Variants in DNAH6 observed in about 807,000 individuals in gnomAD.
DNAH6 encodes dynein axonemal heavy chain 6.
A neutral mutation model predicts 491.4 loss-of-function variants in DNAH6; 340 were observed. The observed-to-expected ratio is 0.69, with a 90% CI of 0.63 to 0.76. DNAH6 has a LOEUF of 0.76. DNAH6 is among the 30% of genes least tolerant of loss of function. The pLI is 0.00. For missense variants in DNAH6, 4,443 were observed against 4,972.2 expected (o/e 0.89, Z 3.20); for synonymous variants, 1,603 against 1,686.1 (o/e 0.95, Z 1.21).
chr2:84,642,123 A>G (rs1311918982), intron 33 of DNAH6, 69 bp downstream of exon 33: 38 of 1,037,276 alleles, frequency 3.7e-5, no homozygotes, highest in Non-Finnish European at 5.1e-5. Flanking sequence ...CTTTTCTTCA[A>G]TTATTTCTTT....
chr2:84,771,649 G>A (rs1675632438), intron 64 of DNAH6, among the ~76,000 whole-genome samples: 1 of 152,204 alleles, frequency 6.6e-6, no homozygotes, highest in South Asian at 2.1e-4. Flanking sequence ...AATCCATGAT[G>A]TCAGAGGCAA....
chr2:84,802,494 G>T (rs1290276006), intron 70 of DNAH6, among the ~76,000 whole-genome samples: 1 of 152,106 alleles, frequency 6.6e-6, no homozygotes, highest in Non-Finnish European at 1.5e-5. Context: ...TTCAATTCAA[G>T]AAGATTTGAT....
chr2:84,524,210 CTT>C, intron 2 of DNAH6, among the ~76,000 whole-genome samples: 1 of 142,054 alleles, frequency 7.0e-6, no homozygotes, highest in African/African-American at 2.6e-5. Flanking sequence ...CCTTTTTTGT[CTT>C]TTTTTTTTTT....
intron 67 of DNAH6, 23 bp downstream of exon 67, chr2:84,785,779 A>G (rs1217733508): frequency 8.0e-6 from 12 of 1,498,810 alleles, no homozygotes; most frequent in Non-Finnish European, 8.0e-6. Context: ...CTGCTTTTCA[A>G]TAGCAACAAG....
chr2:84,715,097 G>A (rs1697392031), intron 57 of DNAH6, among the ~76,000 whole-genome samples: 1 of 152,000 alleles, frequency 6.6e-6, no homozygotes, highest in East Asian at 1.9e-4. Flanking sequence ...TGTATCATAA[G>A]TAACTAAGTG....
chr2:84,606,378 G>C (rs1421933056), intron 20 of DNAH6, among the ~76,000 whole-genome samples: 1 of 152,144 alleles, frequency 6.6e-6, no homozygotes, highest in African/African-American at 2.4e-5. Flanking sequence ...CTCTCAAAAA[G>C]CTTATAATTG....
rs556511008 is a variant in DNAH6, at chr2:84,768,442, A to C, written c.10703+5497A>C. ...AAATGAGTGTATTATTAAAAAAAAA[A>C]CTTTTGCCAATGAATTTGAAAATTT... On this transcript the variant is annotated intron_variant, in intron 64 of 76. Coordinates refer to ENST00000389394, the MANE Select transcript of DNAH6 (RefSeq NM_001370.2). Among the ~76,000 whole-genome samples, 210 of 152,070 alleles carry C rather than the reference A, an allele frequency of 1.4e-3. 1 individual carries two copies. Among genetic ancestry groups the C allele is most frequent in the African/African-American group, 4.9e-3 (204 of 41,538 alleles).
At chr2:84,812,885 C>A (rs1294168458) in intron 73 of DNAH6, among the ~76,000 whole-genome samples, 173 bp from the exon 74 acceptor site, 1 of 152,146 alleles carries the variant, frequency 6.6e-6, no homozygotes, top group Non-Finnish European at 1.5e-5. Flanking sequence ...CCACAGTCAT[C>A]AGGCTGGCAG....
intron 30 of DNAH6, among the ~76,000 whole-genome samples, chr2:84,634,846 T>C (rs1041118383): frequency 1.3e-5 from 2 of 152,190 alleles, no homozygotes; most frequent in Non-Finnish European, 2.9e-5. Flanking sequence ...GGTCCTGTTA[T>C]TTAAAATTTG....
At chr2:84,637,539 ATGTT>A (rs1212379107) in intron 31 of DNAH6, among the ~76,000 whole-genome samples, 162 bp downstream of exon 31, 19 of 152,294 alleles carry the variant, frequency 1.2e-4, no homozygotes, top group African/African-American at 4.6e-4. Flanking sequence ...TAAGTTCTGC[ATGTT>A]TGTTTGTTTA....
chr2:84,501,884 T>C, the DNAH6 span, among the ~76,000 whole-genome samples: 1 of 151,778 alleles, frequency 6.6e-6, no homozygotes, highest in African/African-American at 2.4e-5. Flanking sequence ...CACCTTTTTT[T>C]ATTTCTGATC....
intron 68 of DNAH6, among the ~76,000 whole-genome samples, chr2:84,793,519 A>G (rs1164284465): frequency 1.3e-5 from 2 of 152,190 alleles, no homozygotes; most frequent in African/African-American, 4.8e-5. Flanking sequence ...TCATCATGCA[A>G]TTGGAGAAAC....
chr2:84,643,897 T>C (rs1347046427), intron 33 of DNAH6, among the ~76,000 whole-genome samples: 2 of 146,640 alleles, frequency 1.4e-5, no homozygotes, highest in Non-Finnish European at 2.9e-5. Flanking sequence ...CTTCAAATTG[T>C]GTTTTTTTTT....
chr2:84,553,825 G>T (rs200636841), intron 10 of DNAH6, among the ~76,000 whole-genome samples: 2 of 152,084 alleles, frequency 1.3e-5, no homozygotes, highest in East Asian at 3.9e-4. Flanking sequence ...AGAGAATTTT[G>T]TTGTCTTAGT....
At chr2:84,670,918 T>A (rs1692683121) in intron 39 of DNAH6, among the ~76,000 whole-genome samples, 1 of 152,308 alleles carries the variant, frequency 6.6e-6, no homozygotes, top group East Asian at 1.9e-4. Context: ...ACTGCTTAGA[T>A]AACTAGCATA....
At chr2:84,645,502 G>C (rs113316629) in intron 33 of DNAH6, among the ~76,000 whole-genome samples, 10,512 of 152,158 alleles carry the variant, frequency 0.069, 1,209 homozygotes, top group African/African-American at 0.24. Flanking sequence ...TTTCTCTATT[G>C]ATCAGTAATG....
chr2:84,595,303 C>T (rs1378552573), intron 17 of DNAH6, among the ~76,000 whole-genome samples: 1 of 151,906 alleles, frequency 6.6e-6, no homozygotes, highest in East Asian at 1.9e-4. Flanking sequence ...GTATGTTAAA[C>T]AGGTATATAA....
chr2:84,666,918 C>A (rs561843269), intron 37 of DNAH6, among the ~76,000 whole-genome samples: 6 of 152,056 alleles, frequency 3.9e-5, no homozygotes, highest in Admixed American at 6.6e-5. Context: ...CCAACGGAAC[C>A]GAACAGAGCC....
At chr2:84,532,255 T>G (rs1332578953) in intron 4 of DNAH6, among the ~76,000 whole-genome samples, 2 of 152,186 alleles carry the variant, frequency 1.3e-5, no homozygotes, top group African/African-American at 4.8e-5. Flanking sequence ...TATACTTTTT[T>G]GGACTCACAG....
Sources: gnomAD v4.1 joint callset for allele counts (sites outside exome capture counted in the v4.1 genomes callset) on GRCh38, gnomAD v4.1.1 for gene constraint, MANE v1.5 for transcripts, NCBI Gene and HGNC (gene_info 2026-07-23, HGNC 2026-07-21) for gene names.